The following CADPS variants were observed in gnomAD, a reference collection of about 807,000 sequenced individuals.
CADPS encodes calcium-dependent secretion activator 1.
Under a neutral mutation model 167.3 loss-of-function variants are expected in CADPS, and 57 were observed. That is an observed-to-expected ratio of 0.34 (90% CI 0.28 to 0.42). The LOEUF (loss-of-function observed/expected upper bound fraction) is 0.42, where lower values mean the gene tolerates loss of function less well. Ranked by LOEUF, CADPS falls within the 20% of genes least tolerant of loss-of-function variation. The pLI, the probability that CADPS is intolerant of heterozygous loss-of-function variation, is 1.00. For synonymous variants in CADPS, 676 were observed against 635.3 expected (o/e 1.06, Z -0.96); for missense variants, 1,414 against 1,738.1 (o/e 0.81, Z 3.32).
At chr3:62,487,459 C>G (rs2063013237) in intron 21 of CADPS, among the ~76,000 whole-genome samples, 1 of 152,148 alleles carries the variant, frequency 6.6e-6, no homozygotes, top group South Asian at 2.1e-4. Flanking sequence ...TGATGGAAAC[C>G]CATGAGAGGG....
intron 6 of CADPS, among the ~76,000 whole-genome samples, chr3:62,631,263 T>C (rs968975520): frequency 6.6e-6 from 1 of 152,210 alleles, no homozygotes; most frequent in Non-Finnish European, 1.5e-5. Context: ...TGTATTAACC[T>C]TGGTTTTAAT....
chr3:62,835,593 G>A (rs1230247784), intron 1 of CADPS, among the ~76,000 whole-genome samples: 2 of 152,038 alleles, frequency 1.3e-5, no homozygotes, highest in East Asian at 3.9e-4. Context: ...AATTATGCAG[G>A]CCAGTACTGG....
intron 1 of CADPS, among the ~76,000 whole-genome samples, chr3:62,837,017 A>G (rs2075994721): frequency 6.6e-6 from 1 of 152,194 alleles, no homozygotes; most frequent in Non-Finnish European, 1.5e-5. Context: ...TTCCCAATGA[A>G]GGGAGAGGCT....
At chr3:62,869,617 T>C (rs1291805060) in intron 1 of CADPS, among the ~76,000 whole-genome samples, 2 of 152,144 alleles carry the variant, frequency 1.3e-5, no homozygotes, top group Non-Finnish European at 2.9e-5. Flanking sequence ...CTTTAGTACT[T>C]CTAATCAGCG....
At chr3:62,503,415 T>C (rs983036090) in intron 17 of CADPS, among the ~76,000 whole-genome samples, 10 of 152,218 alleles carry the variant, frequency 6.6e-5, no homozygotes, top group African/African-American at 2.4e-4. Context: ...AAGCAATCTA[T>C]GGGACTGATC....
intron 6 of CADPS, among the ~76,000 whole-genome samples, chr3:62,613,454 A>C (rs566192826): frequency 2.8e-4 from 42 of 152,306 alleles, no homozygotes; most frequent in African/African-American, 9.9e-4. Context: ...GTTGGCTTGA[A>C]CAAAGATCAG....
chr3:62,761,482 A>G (rs913737189), intron 2 of CADPS, among the ~76,000 whole-genome samples: 4 of 152,102 alleles, frequency 2.6e-5, no homozygotes, highest in African/African-American at 7.2e-5. Flanking sequence ...CAGACATCAG[A>G]TGCAGTGTTC....
chr3:62,498,956 C>T (rs1331586482), intron 18 of CADPS, among the ~76,000 whole-genome samples: 4 of 152,098 alleles, frequency 2.6e-5, no homozygotes, highest in African/African-American at 7.2e-5. Flanking sequence ...AAACTTAGGC[C>T]GAAACATACA....
At chr3:62,869,349 T>C (rs75959422) in intron 1 of CADPS, among the ~76,000 whole-genome samples, 211 of 152,180 alleles carry the variant, frequency 1.4e-3, no homozygotes, top group African/African-American at 4.9e-3. Flanking sequence ...TCAACCTCTT[T>C]TTTGATTTAG....
At chr3:62,533,089 T>C in intron 12 of CADPS, 31 bp from the exon 13 acceptor site, 5 of 1,591,276 alleles carry the variant, frequency 3.1e-6, no homozygotes, top group Non-Finnish European at 4.3e-6. Context: ...AGACTTTCTT[T>C]TAAATACAGG....
chr3:62,620,922 T>C (rs550733735), intron 6 of CADPS, among the ~76,000 whole-genome samples: 1 of 152,174 alleles, frequency 6.6e-6, no homozygotes, highest in African/African-American at 2.4e-5. Context: ...AGGATGATGA[T>C]TAAAAGGAGC....
At chr3:62,574,441 T>C (rs2081903342) in intron 8 of CADPS, among the ~76,000 whole-genome samples, 1 of 151,856 alleles carries the variant, frequency 6.6e-6, no homozygotes. Context: ...GCAAGAGAGG[T>C]GATGGCTGGA....
chr3:62,525,406 G>A (rs185514081), intron 13 of CADPS, among the ~76,000 whole-genome samples: 1 of 152,106 alleles, frequency 6.6e-6, no homozygotes, highest in Non-Finnish European at 1.5e-5. Context: ...AGAATTTAGA[G>A]AGCATGACTC....
intron 3 of CADPS, among the ~76,000 whole-genome samples, chr3:62,745,268 T>C (rs1286372433): frequency 6.6e-6 from 1 of 152,110 alleles, no homozygotes; most frequent in Non-Finnish European, 1.5e-5. Flanking sequence ...AGACGGCATT[T>C]CACCATGTTG....
chr3:62,439,660 G>A (rs1483126033), intron 27 of CADPS: 1 of 152,180 alleles, frequency 6.6e-6, no homozygotes, highest in African/African-American at 2.4e-5. Context: ...ATTCTCAGTA[G>A]GGATGGGGAT....
At chr3:62,413,586 C>A (rs987944642) in intron 28 of CADPS, among the ~76,000 whole-genome samples, 5 of 152,128 alleles carry the variant, frequency 3.3e-5, no homozygotes, top group Non-Finnish European at 7.4e-5. Context: ...GAAAGTAGAA[C>A]AGTGTTACCA....
At chr3:62,680,472 TCA>T (rs2076978577) in intron 3 of CADPS, among the ~76,000 whole-genome samples, 1 of 152,036 alleles carries the variant, frequency 6.6e-6, no homozygotes, top group Non-Finnish European at 1.5e-5. Flanking sequence ...CTTTATTCTC[TCA>T]TTGTCACACA....
chr3:62,723,678 T>C (rs2076215906), intron 3 of CADPS, among the ~76,000 whole-genome samples: 1 of 152,186 alleles, frequency 6.6e-6, no homozygotes, highest in Non-Finnish European at 1.5e-5. Flanking sequence ...TTGGGAATTA[T>C]TGGGGAGTGT....
chr3:62,584,614 A>T (rs1006286133), intron 8 of CADPS, among the ~76,000 whole-genome samples: 3 of 152,212 alleles, frequency 2.0e-5, no homozygotes, highest in South Asian at 2.1e-4. Context: ...CACTGGTCTT[A>T]TTTGGCATCT....
Sources: gnomAD v4.1 joint callset for allele counts (sites outside exome capture counted in the v4.1 genomes callset) on GRCh38, gnomAD v4.1.1 for gene constraint, MANE v1.5 for transcripts, NCBI Gene and HGNC (gene_info 2026-07-23, HGNC 2026-07-21) for gene names.